Variants in RMND1 observed in about 807,000 individuals in gnomAD.
The protein encoded by RMND1 is required for meiotic nuclear division protein 1 homolog.
A neutral mutation model predicts 54.0 loss-of-function variants in RMND1; 41 were observed. The observed-to-expected ratio is 0.76, with a 90% CI of 0.59 to 0.98. The LOEUF is 0.98. Ranked by LOEUF, RMND1 falls within the 50% of genes least tolerant of loss-of-function variation. RMND1 has a pLI of 0.00. For synonymous variants in RMND1, 183 were observed against 181.7 expected, an observed-to-expected ratio of 1.01 and a Z score of -0.06; for missense variants, 457 against 532.0, an observed-to-expected ratio of 0.86 and a Z score of 1.39.
At chr6:151,434,632 A>G (rs1780547455) in intron 3 of RMND1, among the ~76,000 whole-genome samples, 1 of 152,172 alleles carries the variant, frequency 6.6e-6, no homozygotes, top group African/African-American at 2.4e-5. Context: ...TGTCTTTCTA[A>G]GTCAACTATG....
At chr6:151,445,243 A>G in intron 2 of RMND1, 65 bp downstream of exon 2, 2 of 1,520,234 alleles carry the variant, frequency 1.3e-6, no homozygotes, top group Non-Finnish European at 8.8e-7. Context: ...CTGGGGTGCA[A>G]CGCACACTGG....
At chr6:151,439,646 TTC>T (rs1333167865) in intron 2 of RMND1, among the ~76,000 whole-genome samples, 1 of 152,164 alleles carries the variant, frequency 6.6e-6, no homozygotes, top group Non-Finnish European at 1.5e-5. Context: ...TATTATTTTA[TTC>T]TGTTTTTTAC....
At chr6:151,418,895 C>T (rs1327706228) in intron 9 of RMND1, among the ~76,000 whole-genome samples, 2 of 152,082 alleles carry the variant, frequency 1.3e-5, no homozygotes, top group Non-Finnish European at 2.9e-5. Context: ...CTCAGCCTCC[C>T]GAGTAGCTAG....
chr6:151,444,973 GT>G lies in RMND1; in HGVS notation c.504+334del, dbSNP rs551276395. The G allele has an allele frequency of 9.1e-5, 18 of 198,052 alleles. 1 individual carries two copies. The South Asian group carries it at 1.3e-3, about 14-fold the overall frequency. 12.3% of individuals were successfully genotyped at this position (198,052 alleles called of 1,614,324 possible). On this transcript the variant is annotated intron_variant, in intron 2 of 11. Transcript: ENST00000444024. ...TAACTTGATGAAGAATTTCTAGTTT[GT>G]TTTTTTTTATTTTATTTTTTTTTAC... is the stretch of plus-strand genomic sequence containing the variant.
At chr6:151,436,839 C>A in intron 2 of RMND1, 1 of 255,766 alleles carries the variant, frequency 3.9e-6, no homozygotes. Context: ...GTATCTCAAG[C>A]ACAGATTGAA....
chr6:151,407,108 C>T (rs146493135), intron 10 of RMND1, among the ~76,000 whole-genome samples: 2 of 152,042 alleles, frequency 1.3e-5, no homozygotes, highest in Admixed American at 6.6e-5. Context: ...GAGCCAAGAT[C>T]ATGCCACTGC....
At position 151,405,766 on chromosome 6, in the gene RMND1, C is replaced by A; in HGVS notation, c.1271G>T (p.Arg424Met). 6.2e-7 allele frequency: 1 copy of A among 1,610,784 alleles called. No homozygotes were observed. Among genetic ancestry groups the A allele is most frequent in the South Asian group, 1.1e-5 (1 of 90,990 alleles). The change falls in exon 11 of 12, where the codon AGG becomes ATG. Residue 424 changes from arginine (R) to methionine (M), a missense_variant. Transcript: ENST00000444024. ...AATCATCCACTCCAAGCGGAGTGCC[C>A]TCTTCTCATTCAGGTGATTCCGCAT... ...DLMRNHLNEK[R>M]ALRLEWMIVI...
At chr6:151,412,327 T>C (rs1779870130) in intron 10 of RMND1, among the ~76,000 whole-genome samples, 1 of 152,076 alleles carries the variant, frequency 6.6e-6, no homozygotes, top group Non-Finnish European at 1.5e-5. Context: ...ATTTTTTTTT[T>C]TTTTTAAAGA....
intron 2 of RMND1, among the ~76,000 whole-genome samples, chr6:151,443,588 C>G (rs7748822): frequency 0.22 from 33,594 of 152,020 alleles, 4,132 homozygotes; most frequent in African/African-American, 0.34. Context: ...GGGATTACAG[C>G]TGTGAGCCAC....
rs1032612201 is a variant in RMND1, at chr6:151,438,509, T to A, written c.505-1955A>T. ...GCTGTCTCTTTTGCTAGAATCGGAG[T>A]TGTAAACTGGCAGCTCGGAGAACCA... On this transcript the variant is annotated intron_variant, in intron 2 of 11. Transcript: ENST00000444024. Among the ~76,000 whole-genome samples, 3 of 152,196 alleles carry A rather than the reference T, an allele frequency of 2.0e-5. No individual in the cohort carries two copies. In the East Asian group the frequency reaches 5.8e-4, roughly 29 times the overall value.
At chr6:151,429,240 G>C (rs1193980471) in intron 5 of RMND1, among the ~76,000 whole-genome samples, 1 of 151,822 alleles carries the variant, frequency 6.6e-6, no homozygotes, top group African/African-American at 2.4e-5. Flanking sequence ...TTGTGCCTCA[G>C]CTACCCGAGT....
intron 10 of RMND1, among the ~76,000 whole-genome samples, chr6:151,413,264 T>C (rs560082299): frequency 6.6e-6 from 1 of 152,328 alleles, no homozygotes; most frequent in Non-Finnish European, 1.5e-5. Context: ...TTTTTCTTTT[T>C]ATTTTTTGAG....
At chr6:151,410,273 T>A (rs1048011216) in intron 10 of RMND1, among the ~76,000 whole-genome samples, 1 of 152,142 alleles carries the variant, frequency 6.6e-6, no homozygotes, top group African/African-American at 2.4e-5. Flanking sequence ...GCCAGGATGG[T>A]CTGGATCTCC....
chr6:151,438,372 T>C (rs1780674113), intron 2 of RMND1, among the ~76,000 whole-genome samples: 1 of 152,188 alleles, frequency 6.6e-6, no homozygotes, highest in Non-Finnish European at 1.5e-5. Flanking sequence ...CTACAGCTCA[T>C]GTGCTTAGTT....
intron 1 of RMND1, among the ~76,000 whole-genome samples, chr6:151,449,707 T>C (rs1781074477): frequency 1.3e-5 from 2 of 152,168 alleles, no homozygotes; most frequent in Non-Finnish European, 2.9e-5. Flanking sequence ...GAGCCGAAGC[T>C]GGACTGTACT....
chr6:151,447,755 T>C (rs1211758601), intron 1 of RMND1, among the ~76,000 whole-genome samples: 1 of 131,556 alleles, frequency 7.6e-6, no homozygotes, highest in Non-Finnish European at 1.6e-5. Flanking sequence ...AACTATAAAA[T>C]ATTTTAGAAG....
intron 4 of RMND1, among the ~76,000 whole-genome samples, chr6:151,432,291 C>T (rs1780470729): frequency 6.6e-6 from 1 of 152,142 alleles, no homozygotes; most frequent in African/African-American, 2.4e-5. Flanking sequence ...CCTCACAAAT[C>T]TAAATTCCTC....
chr6:151,435,647 C>A (rs1246342629), intron 3 of RMND1, among the ~76,000 whole-genome samples: 2 of 150,534 alleles, frequency 1.3e-5, no homozygotes, highest in Non-Finnish European at 3.0e-5. Context: ...CTCAAACTCC[C>A]AACCTCAGGT....
Position 151,445,217 on chromosome 6 carries a change from T to TA in RMND1, c.504+90dup, listed in dbSNP as rs1283803857. 166 of 1,357,472 alleles carry TA rather than the reference T, an allele frequency of 1.2e-4. 1 individual carries two copies. The highest frequency in any genetic ancestry group is 1.7e-4 in the Admixed American group (7 of 40,618). The allele number at this position is 1,357,472 out of a possible 1,614,324, so 84.1% of individuals were successfully genotyped here. A position where few individuals can be genotyped will look rare whatever the true frequency, so the allele number is the denominator to read the frequency against. The stretch of plus-strand genomic sequence containing the variant: ...AAGTCTGAGTGACTGCTAGTTCTCT[T>TA]ACGTTGGCGGTAAGGCTGGGGTGCA... On this transcript the variant is annotated intron_variant, in intron 2 of 11. Coordinates refer to ENST00000444024, the MANE Select transcript of RMND1 (RefSeq NM_017909.4).
Sources: gnomAD v4.1 joint callset for allele counts (sites outside exome capture counted in the v4.1 genomes callset) on GRCh38, gnomAD v4.1.1 for gene constraint, MANE v1.5 for transcripts, NCBI Gene and HGNC (gene_info 2026-07-23, HGNC 2026-07-21) for gene names.